Variants in SIPA1L3 observed in about 807,000 individuals in gnomAD.
SIPA1L3 encodes the protein signal induced proliferation associated 1 like 3.
In SIPA1L3, 59 loss-of-function variants were observed where a neutral mutation model predicts 150.1. The observed-to-expected ratio is 0.39, with a 90% CI of 0.32 to 0.49. The LOEUF (loss-of-function observed/expected upper bound fraction) is 0.49, where lower values mean the gene tolerates loss of function less well. Ranked by LOEUF, SIPA1L3 falls within the 20% of genes least tolerant of loss-of-function variation. SIPA1L3 has a pLI of 0.86. For synonymous variants in SIPA1L3, 1,070 were observed against 1,077.6 expected, an observed-to-expected ratio of 0.99 and a Z score of 0.14; for missense variants, 2,211 against 2,489.5, an observed-to-expected ratio of 0.89 and a Z score of 2.38.
At chr19:38,064,201 C>T (rs925262568) in intron 2 of SIPA1L3, among the ~76,000 whole-genome samples, 2 of 152,190 alleles carry the variant, frequency 1.3e-5, no homozygotes, top group Non-Finnish European at 2.9e-5. Context: ...GGGGAGGTCA[C>T]GACAGCTTCC....
intron 19 of SIPA1L3, among the ~76,000 whole-genome samples, chr19:38,199,605 CG>C (rs1274122555): frequency 1.3e-5 from 2 of 151,462 alleles, no homozygotes; most frequent in Admixed American, 6.6e-5. Flanking sequence ...CAGAAGGTTA[CG>C]GGGGAGAGGG....
chr19:37,970,375 A>C (rs1966902210), intron 1 of SIPA1L3, among the ~76,000 whole-genome samples: 1 of 152,196 alleles, frequency 6.6e-6, no homozygotes, highest in Admixed American at 6.5e-5. Context: ...CACATTTTTA[A>C]TTAGCCTCTT....
intron 1 of SIPA1L3, among the ~76,000 whole-genome samples, chr19:37,979,005 T>G (rs985838291): frequency 7.2e-5 from 11 of 151,840 alleles, no homozygotes; most frequent in African/African-American, 2.4e-4. Context: ...CAGTTTCCCT[T>G]CCACACCCAA....
chr19:38,017,088 G>GCCAGGCT (rs1420985601), intron 1 of SIPA1L3, among the ~76,000 whole-genome samples: 4 of 150,500 alleles, frequency 2.7e-5, no homozygotes, highest in Non-Finnish European at 5.9e-5. Flanking sequence ...ATAGAGACGG[G>GCCAGGCT]GTTTCACCAT....
intron 20 of SIPA1L3, among the ~76,000 whole-genome samples, chr19:38,202,261 T>C (rs1291318546): frequency 6.6e-6 from 1 of 152,210 alleles, no homozygotes; most frequent in East Asian, 1.9e-4. Context: ...CTTGAATCAA[T>C]ACACACACAG....
Position 38,109,217 on chromosome 19 carries a change from G to T in SIPA1L3, c.2134-1010G>T, listed in dbSNP as rs140916674. 7.9e-3 allele frequency among the ~76,000 whole-genome samples: 1,206 copies of T among 152,260 alleles called. 15 individuals are homozygous for T. The highest frequency in any genetic ancestry group is 0.027 in the African/African-American group (1,136 of 41,550). The stretch of plus-strand genomic sequence containing the variant: ...CTCACAGCTCCACATGGCTGGGGAG[G>T]CCTCACAGTCATGGCAGAAGGCAAA... On this transcript the variant is annotated intron_variant, in intron 7 of 21. Coordinates refer to ENST00000222345, the MANE Select transcript of SIPA1L3 (RefSeq NM_015073.3).
intron 1 of SIPA1L3, among the ~76,000 whole-genome samples, chr19:37,979,846 C>T (rs1040334065): frequency 2.6e-5 from 4 of 152,248 alleles, no homozygotes; most frequent in African/African-American, 9.6e-5. Context: ...TCCCCAAAAG[C>T]AGAGCCCAGC....
At chr19:38,057,539 G>A (rs1458397973) in intron 2 of SIPA1L3, among the ~76,000 whole-genome samples, 1 of 151,822 alleles carries the variant, frequency 6.6e-6, no homozygotes, top group Non-Finnish European at 1.5e-5. Flanking sequence ...GCTCATTGAG[G>A]TTGGGTTTTT....
rs757675798 is a variant in SIPA1L3 at position 38,082,902 on chromosome 19, G to T, written c.1337G>T (p.Arg446Leu). The change falls in exon 3 of 22, where the codon CGG becomes CTG. Residue 446 changes from arginine (R) to leucine (L), a missense_variant. Arg to Leu is a moderately radical substitution (Grantham distance 102). Transcript: ENST00000222345. The part of the protein sequence containing the change: ...GECERNVSFS[R>L]ASVGSPSSGE... Reference sequence around the variant, plus strand: ...TGTGAGCGCAACGTGAGCTTCTCCCGGGCTTCCGTGGGCTCCCCGAGCAGC... The same window carrying T: ...TGTGAGCGCAACGTGAGCTTCTCCCTGGCTTCCGTGGGCTCCCCGAGCAGC... The T allele has an allele frequency of 6.2e-7, 1 of 1,613,238 alleles. No individual in the cohort carries two copies. The highest frequency in any genetic ancestry group is 8.5e-7 in the Non-Finnish European group (1 of 1,179,880).
chr19:38,136,046 G>GT, intron 10 of SIPA1L3, among the ~76,000 whole-genome samples: 1 of 151,390 alleles, frequency 6.6e-6, no homozygotes, highest in South Asian at 2.1e-4. Flanking sequence ...TTTTGTTTGG[G>GT]TTTTTTTGTT....
chr19:37,941,895 C>T (rs879592448), intron 1 of SIPA1L3, among the ~76,000 whole-genome samples: 11 of 152,162 alleles, frequency 7.2e-5, no homozygotes, highest in South Asian at 2.1e-4. Flanking sequence ...TGGCCAGGGG[C>T]GAGCCCTGAC....
At chr19:38,169,127 G>A (rs915537503) in intron 15 of SIPA1L3, among the ~76,000 whole-genome samples, 1 of 152,136 alleles carries the variant, frequency 6.6e-6, no homozygotes, top group African/African-American at 2.4e-5. Context: ...AGTGGCTCAC[G>A]CCTGTAATCC....
At chr19:38,084,789 G>A (rs968166776) in intron 3 of SIPA1L3, among the ~76,000 whole-genome samples, 5 of 151,692 alleles carry the variant, frequency 3.3e-5, no homozygotes, top group Non-Finnish European at 1.5e-5. Flanking sequence ...ACAGGCGCTC[G>A]CTATCATGCC....
chr19:37,965,990 T>C (rs2046900879), intron 1 of SIPA1L3, among the ~76,000 whole-genome samples: 2 of 152,326 alleles, frequency 1.3e-5, no homozygotes, highest in Admixed American at 6.5e-5. Context: ...GTCTGTGATC[T>C]ATCACATTAT....
chr19:38,195,873 G>A (rs2146054177), intron 18 of SIPA1L3, among the ~76,000 whole-genome samples: 1 of 145,322 alleles, frequency 6.9e-6, no homozygotes, highest in East Asian at 2.0e-4. Context: ...ATCCTGAGCT[G>A]TCACTAGATG....
intron 13 of SIPA1L3, among the ~76,000 whole-genome samples, chr19:38,159,505 G>A (rs191881439): frequency 3.9e-5 from 6 of 152,306 alleles, no homozygotes; most frequent in South Asian, 2.1e-4. Context: ...AGATAATGCC[G>A]GCCAAGCCCA....
At chr19:38,160,559 A>G (rs1371799532) in intron 13 of SIPA1L3, among the ~76,000 whole-genome samples, 2 of 151,382 alleles carry the variant, frequency 1.3e-5, no homozygotes, top group Admixed American at 1.3e-4. Flanking sequence ...GCACCACCAC[A>G]CCCAGCTATT....
intron 1 of SIPA1L3, among the ~76,000 whole-genome samples, chr19:37,956,760 A>G (rs2046815299): frequency 6.6e-6 from 1 of 152,230 alleles, no homozygotes; most frequent in Non-Finnish European, 1.5e-5. Flanking sequence ...TTGGGATTAC[A>G]GGTGTGAGCC....
intron 1 of SIPA1L3, among the ~76,000 whole-genome samples, chr19:37,916,687 C>T (rs62112277): frequency 0.046 from 7,038 of 151,780 alleles, 197 homozygotes; most frequent in East Asian, 0.11. Context: ...GGGCCGAGCG[C>T]GGTGACTCAT....
Sources: gnomAD v4.1 joint callset for allele counts (sites outside exome capture counted in the v4.1 genomes callset) on GRCh38, gnomAD v4.1.1 for gene constraint, MANE v1.5 for transcripts, NCBI Gene and HGNC (gene_info 2026-07-23, HGNC 2026-07-21) for gene names.